Variants in DEGS2 observed in about 807,000 individuals in gnomAD.
The protein encoded by DEGS2 is sphingolipid delta(4)-desaturase/C4-monooxygenase DES2.
DEGS2 carries 19 observed loss-of-function variants against 23.8 expected under a neutral mutation model. That is an observed-to-expected ratio of 0.80 (90% CI 0.56 to 1.17). DEGS2 has a LOEUF of 1.17. Ranked by LOEUF, DEGS2 falls within the 50% of genes most tolerant of loss-of-function variation. DEGS2 has a pLI of 0.00. For missense variants in DEGS2, 390 were observed against 459.5 expected, an observed-to-expected ratio of 0.85 and a Z score of 1.38; for synonymous variants, 218 against 213.7, an observed-to-expected ratio of 1.02 and a Z score of -0.18.
chr14:100,147,307 G>A (rs1029050858), intron 2 of DEGS2, among the ~76,000 whole-genome samples: 3 of 152,246 alleles, frequency 2.0e-5, no homozygotes, highest in Admixed American at 6.5e-5. Context: ...CACTCCACTC[G>A]GCCCCGCCTT....
chr14:100,159,668 C>A, upstream of DEGS2: 1 of 555,028 alleles, frequency 1.8e-6, no homozygotes, highest in Non-Finnish European at 2.6e-6. Flanking sequence ...GCGGAACCAG[C>A]TCTGATTAGG....
chr14:100,147,213 T>A (rs1254061626), intron 2 of DEGS2, among the ~76,000 whole-genome samples: 4 of 152,138 alleles, frequency 2.6e-5, no homozygotes, highest in African/African-American at 9.7e-5. Context: ...TGGCCTGAAC[T>A]GCGCCCAGGA....
At chr14:100,160,951 C>A (rs1239460598), upstream of DEGS2, among the ~76,000 whole-genome samples, 1 of 152,196 alleles carries the variant, frequency 6.6e-6, no homozygotes, top group Non-Finnish European at 1.5e-5. Context: ...CCAGCTTGCA[C>A]CCTTGGGAGA....
At chr14:100,162,826 A>T (rs1889765014), upstream of DEGS2, among the ~76,000 whole-genome samples, 1 of 152,186 alleles carries the variant, frequency 6.6e-6, no homozygotes, top group South Asian at 2.1e-4. Flanking sequence ...CAGGAGCAGG[A>T]TGGGCCTCCA....
At chr14:100,154,182 T>C (rs1000275783) in intron 1 of DEGS2, among the ~76,000 whole-genome samples, 4 of 152,084 alleles carry the variant, frequency 2.6e-5, no homozygotes, top group African/African-American at 9.7e-5. Flanking sequence ...CTGGCCAACA[T>C]GGTGAAACCC....
At chr14:100,152,195 T>C (rs932096440) in intron 1 of DEGS2, among the ~76,000 whole-genome samples, 18 of 151,774 alleles carry the variant, frequency 1.2e-4, no homozygotes, top group African/African-American at 4.4e-4. Flanking sequence ...AGGGTGGGTC[T>C]GCCTAGGGCA....
upstream of DEGS2, among the ~76,000 whole-genome samples, chr14:100,164,481 C>A (rs551086257): frequency 4.5e-4 from 69 of 152,024 alleles, no homozygotes; most frequent in African/African-American, 1.4e-3. Context: ...ACTAAAAATA[C>A]AAAAAATTAG....
In DEGS2 at chr14:100,146,993, G is replaced by T. The variant is rs1889459306; in HGVS notation, c.826-86C>A. On this transcript the variant is annotated intron_variant, in intron 2 of 2. Coordinates refer to ENST00000305631, the MANE Select transcript of DEGS2 (RefSeq NM_206918.3). ...ACACGCAGACACCTGAGCACACGCG[G>T]TGGGCATGCACATGCATATTCATGT... The T allele has an allele frequency of 6.0e-6, 9 of 1,488,842 alleles. No individual in the cohort carries two copies. In the South Asian group the frequency reaches 1.0e-4, roughly 17 times the overall value. The allele number at this position is 1,488,842 out of a possible 1,614,324, so 92.2% of individuals were successfully genotyped here. A position where few individuals can be genotyped will look rare whatever the true frequency, so the allele number is the denominator to read the frequency against.
At chr14:100,150,803 C>T (rs1889557770) in intron 1 of DEGS2, among the ~76,000 whole-genome samples, 1 of 152,190 alleles carries the variant, frequency 6.6e-6, no homozygotes, top group Non-Finnish European at 1.5e-5. Context: ...AGCCTTCCCT[C>T]AGGGGCCCCA....
chr14:100,165,963 T>G, the DEGS2 span, among the ~76,000 whole-genome samples: 4 of 38,850 alleles, frequency 1.0e-4, no homozygotes, highest in Admixed American at 3.2e-4. Context: ...CCTGGGAGAG[T>G]GGGGGGAGCC....
intron 1 of DEGS2, among the ~76,000 whole-genome samples, chr14:100,154,946 GC>G (rs1386040216): frequency 1.3e-5 from 2 of 151,740 alleles, no homozygotes; most frequent in African/African-American, 4.9e-5. Flanking sequence ...CCCCAGCAGG[GC>G]TCCCAAAAGC....
At chr14:100,154,831 G>A (rs2140424145) in intron 1 of DEGS2, among the ~76,000 whole-genome samples, 1 of 152,348 alleles carries the variant, frequency 6.6e-6, no homozygotes, top group East Asian at 1.9e-4. Flanking sequence ...GCCTCCAAGA[G>A]TAGCAGAGAC....
intron 2 of DEGS2, 54 bp from the exon 3 acceptor site, chr14:100,146,961 C>G: frequency 6.3e-7 from 1 of 1,577,756 alleles, no homozygotes; most frequent in South Asian, 1.2e-5. Context: ...GCCGCACCCG[C>G]GAGCACACAC....
rs1296432959 is a variant in DEGS2, at chr14:100,146,485, G to A, written c.*276C>T. On this transcript the variant is annotated 3_prime_UTR_variant, in exon 3 of 3. Transcript: ENST00000305631. ...CGGAGAAGTCAGCTCCGTGGGAACC[G>A]TGGGCTCAGAGCACCCAGGTCATGG... 6 of 439,366 alleles carry A rather than the reference G, an allele frequency of 1.4e-5. No individual in the cohort carries two copies. Among genetic ancestry groups the A allele is most frequent in the African/African-American group, 6.1e-5 (3 of 48,888 alleles). The allele number at this position is 439,366 out of a possible 1,614,324, so 27.2% of individuals were successfully genotyped here.
chr14:100,146,734 T>C lies in DEGS2; in HGVS notation c.*27A>G. 2 of 1,610,216 alleles carry C rather than the reference T, an allele frequency of 1.2e-6. No individual in the cohort carries two copies. The highest frequency in any genetic ancestry group is 1.7e-6 in the Non-Finnish European group (2 of 1,178,176). On this transcript the variant is annotated 3_prime_UTR_variant, in exon 3 of 3. Coordinates refer to ENST00000305631, the MANE Select transcript of DEGS2 (RefSeq NM_206918.3). ...AGGCTGAGGGGCCGATGGGGGACAA[T>C]GGCCACCACCAGGAGGCAGCCCGGG...
chr14:100,146,618 G>C lies in DEGS2; in HGVS notation c.*143C>G. 1 of 1,213,078 alleles carries C rather than the reference G, an allele frequency of 8.2e-7. No homozygotes were observed. The allele number at this position is 1,213,078 out of a possible 1,614,324, so 75.1% of individuals were successfully genotyped here. On this transcript the variant is annotated 3_prime_UTR_variant, in exon 3 of 3. Coordinates refer to ENST00000305631, the MANE Select transcript of DEGS2 (RefSeq NM_206918.3). ...GAGCCCTGCAGCCCACACTGCTGTT[G>C]CCAGGTGTGGCTGCGCGGGACACTC...
rs190147901 is a variant in DEGS2, at chr14:100,145,910, G to A, written c.*851C>T. The A allele has an allele frequency of 6.4e-4, 98 of 152,572 alleles. 1 individual carries two copies. Among genetic ancestry groups the A allele is most frequent in the Non-Finnish European group, 1.2e-3 (82 of 68,186 alleles). The allele number at this position is 152,572 out of a possible 1,614,324, so 9.5% of individuals were successfully genotyped here. On this transcript the variant is annotated 3_prime_UTR_variant, in exon 3 of 3. Transcript: ENST00000305631. ...ACAGTCACCTGCCCGGCCAGCCCCC[G>A]GGCTTGGGTGCCAGATCTGGGCAGA...
At chr14:100,154,215 A>G (rs913798268) in intron 1 of DEGS2, among the ~76,000 whole-genome samples, 7 of 152,188 alleles carry the variant, frequency 4.6e-5, no homozygotes, top group Non-Finnish European at 8.8e-5. Context: ...AAATACAAAA[A>G]TCAGCTGGAC....
At chr14:100,154,845 G>C (rs1009237399) in intron 1 of DEGS2, among the ~76,000 whole-genome samples, 2 of 152,058 alleles carry the variant, frequency 1.3e-5, no homozygotes. Context: ...CAGAGACAGG[G>C]CCCCCCCACG....
Sources: allele counts gnomAD v4.1 joint callset (sites outside exome capture counted in the v4.1 genomes callset), GRCh38; gene constraint gnomAD v4.1.1; transcripts MANE v1.5; gene names NCBI Gene and HGNC (gene_info 2026-07-23, HGNC 2026-07-21).